The following WWOX variants were observed in gnomAD, a reference collection of about 807,000 sequenced individuals.
WWOX encodes WW domain-containing oxidoreductase.
In WWOX, 69 loss-of-function variants were observed where a neutral mutation model predicts 46.2. The observed-to-expected ratio is 1.49, with a 90% CI of 1.23 to 1.82. WWOX has a LOEUF of 1.82. Ranked by LOEUF, WWOX falls within the 40% of genes most tolerant of loss-of-function variation. WWOX has a pLI of 0.00. For synonymous variants in WWOX, 359 were observed against 202.6 expected, an observed-to-expected ratio of 1.77 and a Z score of -6.56; for missense variants, 919 against 542.6, an observed-to-expected ratio of 1.69 and a Z score of -6.89.
At chr16:79,020,767 C>T (rs1050729274) in intron 8 of WWOX, among the ~76,000 whole-genome samples, 12 of 152,130 alleles carry the variant, frequency 7.9e-5, no homozygotes, top group Admixed American at 2.6e-4. Context: ...GCTTCCCACA[C>T]GTCGTGTGGA....
At chr16:78,459,343 A>T (rs927425606) in intron 8 of WWOX, among the ~76,000 whole-genome samples, 13 of 152,226 alleles carry the variant, frequency 8.5e-5, no homozygotes, top group African/African-American at 3.1e-4. Flanking sequence ...CAGCATTTTT[A>T]ATAAATGCCC....
At chr16:78,884,020 T>C (rs2044398981) in intron 8 of WWOX, among the ~76,000 whole-genome samples, 1 of 152,102 alleles carries the variant, frequency 6.6e-6, no homozygotes, top group Admixed American at 6.5e-5. Flanking sequence ...GGCTCATGCC[T>C]GTAATTCCAG....
intron 8 of WWOX, among the ~76,000 whole-genome samples, chr16:78,619,771 TG>T (rs1270857785): frequency 2.0e-5 from 3 of 151,704 alleles, no homozygotes; most frequent in African/African-American, 7.3e-5. Context: ...AAATGAGACA[TG>T]GGGGTGCATG....
At chr16:78,478,353 A>G (rs979665606) in intron 8 of WWOX, among the ~76,000 whole-genome samples, 1 of 152,210 alleles carries the variant, frequency 6.6e-6, no homozygotes, top group African/African-American at 2.4e-5. Flanking sequence ...TTTTAAATGT[A>G]AATAACTGAG....
rs1469513686 is a variant in WWOX at position 78,330,398 on chromosome 16, A to G, written c.517-56462A>G. On this transcript the variant is annotated intron_variant, in intron 5 of 8. Transcript: ENST00000566780. ...TAAAGAGAAAATTTCACCAGTGATA[A>G]TTTTTTTTTTTTTTCCCCTGAGAAA... is the stretch of plus-strand genomic sequence containing the variant. Among the ~76,000 whole-genome samples, 3 of 144,874 alleles carry G rather than the reference A, an allele frequency of 2.1e-5. No individual in the cohort carries two copies. The Admixed American group carries it at 2.1e-4, about 10-fold the overall frequency.
At chr16:78,678,779 G>A (rs184996289) in intron 8 of WWOX, among the ~76,000 whole-genome samples, 174 of 152,222 alleles carry the variant, frequency 1.1e-3, no homozygotes, top group Non-Finnish European at 1.7e-3. Flanking sequence ...CTTCTTGTGC[G>A]TGGCCTGGGG....
intron 8 of WWOX, among the ~76,000 whole-genome samples, chr16:78,747,973 C>G (rs893835630): frequency 6.6e-6 from 1 of 152,200 alleles, no homozygotes; most frequent in Non-Finnish European, 1.5e-5. Context: ...CTTAGTGGTC[C>G]TCTTGCGTAG....
intron 6 of WWOX, among the ~76,000 whole-genome samples, chr16:78,391,977 A>G (rs2082182820): frequency 6.6e-6 from 1 of 150,690 alleles, no homozygotes; most frequent in Non-Finnish European, 1.5e-5. Flanking sequence ...TGCATTTTTA[A>G]TCTATAGGTT....
intron 4 of WWOX, among the ~76,000 whole-genome samples, chr16:78,160,511 A>T (rs1381527280): frequency 6.6e-6 from 1 of 152,164 alleles, no homozygotes; most frequent in Admixed American, 6.5e-5. Flanking sequence ...ATGTGTTTGT[A>T]ATTACCGAGT....
chr16:78,921,963 A>C (rs2045389280), intron 8 of WWOX, among the ~76,000 whole-genome samples: 1 of 152,216 alleles, frequency 6.6e-6, no homozygotes, highest in Admixed American at 6.5e-5. Context: ...CAAATGGGGC[A>C]AAGTCCAAGA....
intron 8 of WWOX, among the ~76,000 whole-genome samples, chr16:79,030,617 A>G (rs1195573699): frequency 6.6e-6 from 1 of 152,232 alleles, no homozygotes; most frequent in Non-Finnish European, 1.5e-5. Flanking sequence ...CAAAGATTAG[A>G]CACCCTTGTT....
chr16:78,983,870 C>T (rs115767773), intron 8 of WWOX, among the ~76,000 whole-genome samples: 345 of 79,828 alleles, frequency 4.3e-3, no homozygotes, highest in Middle Eastern at 0.019. Context: ...GAGAGCTATT[C>T]TTTTTTTTTT....
chr16:78,534,150 G>C (rs1344422730), intron 8 of WWOX, among the ~76,000 whole-genome samples: 2 of 152,204 alleles, frequency 1.3e-5, no homozygotes, highest in African/African-American at 4.8e-5. Flanking sequence ...ACTTTTTAAA[G>C]TGTGGACATC....
At chr16:79,022,648 A>T (rs148984946) in intron 8 of WWOX, among the ~76,000 whole-genome samples, 1 of 152,156 alleles carries the variant, frequency 6.6e-6, no homozygotes, top group Non-Finnish European at 1.5e-5. Context: ...TGTGGCATTC[A>T]TGTAATTGGG....
intron 8 of WWOX, among the ~76,000 whole-genome samples, chr16:78,806,352 A>T (rs2051037608): frequency 6.6e-6 from 1 of 152,178 alleles, no homozygotes; most frequent in Non-Finnish European, 1.5e-5. Context: ...ATTGTTGCAT[A>T]ACAAACCACC....
intron 8 of WWOX, among the ~76,000 whole-genome samples, chr16:79,148,079 T>A (rs976071506): frequency 1.3e-5 from 2 of 152,238 alleles, no homozygotes; most frequent in African/African-American, 4.8e-5. Context: ...TTAGTTTTAA[T>A]GAGGTCCAAT....
At chr16:78,208,420 C>T (rs746252468) in intron 5 of WWOX, among the ~76,000 whole-genome samples, 13 of 152,012 alleles carry the variant, frequency 8.6e-5, no homozygotes, top group Non-Finnish European at 1.3e-4. Flanking sequence ...TGAGAAACTG[C>T]GTATTTATTA....
chr16:78,150,954 T>C (rs747820682), intron 4 of WWOX, among the ~76,000 whole-genome samples: 3 of 152,120 alleles, frequency 2.0e-5, no homozygotes, highest in Admixed American at 6.5e-5. Flanking sequence ...CATAGCTCAC[T>C]GCAGCCTCCA....
chr16:79,170,686 A>G (rs1324065553), intron 8 of WWOX, among the ~76,000 whole-genome samples: 1 of 152,166 alleles, frequency 6.6e-6, no homozygotes, highest in Non-Finnish European at 1.5e-5. Context: ...TTTTACAGTA[A>G]ATGCGCTCTT....
Sources: gnomAD v4.1 joint callset for allele counts (sites outside exome capture counted in the v4.1 genomes callset) on GRCh38, gnomAD v4.1.1 for gene constraint, MANE v1.5 for transcripts, NCBI Gene and HGNC (gene_info 2026-07-23, HGNC 2026-07-21) for gene names.